The following ZNF804B variants were observed in gnomAD, a reference collection of about 807,000 sequenced individuals.
ZNF804B encodes the protein zinc finger protein 804B.
A neutral mutation model predicts 101.4 loss-of-function variants in ZNF804B; 80 were observed. The ratio of observed to expected loss-of-function variants is 0.79; its 90% CI spans 0.66 to 0.95. The LOEUF (loss-of-function observed/expected upper bound fraction) is 0.95, where lower values mean the gene tolerates loss of function less well. Ranked by LOEUF, ZNF804B falls within the 40% of genes least tolerant of loss-of-function variation. ZNF804B has a pLI of 0.00. For synonymous variants in ZNF804B, 622 were observed against 558.8 expected (o/e 1.11, Z -1.59); for missense variants, 1,673 against 1,561.9 (o/e 1.07, Z -1.20).
intron 1 of ZNF804B, among the ~76,000 whole-genome samples, chr7:88,824,732 CA>C (rs11337030): frequency 0.5 from 75,517 of 151,928 alleles, 20,584 homozygotes; most frequent in East Asian, 0.81. Flanking sequence ...TCCTTGATTT[CA>C]AACATTGCAT....
intron 1 of ZNF804B, among the ~76,000 whole-genome samples, chr7:89,016,109 G>A (rs970331310): frequency 1.3e-5 from 2 of 152,040 alleles, no homozygotes; most frequent in African/African-American, 4.8e-5. Context: ...ATTTTTTCAT[G>A]TGTTTTTTGG....
chr7:88,844,017 C>T (rs565537494), intron 1 of ZNF804B, among the ~76,000 whole-genome samples: 2 of 151,956 alleles, frequency 1.3e-5, no homozygotes, highest in Non-Finnish European at 2.9e-5. Flanking sequence ...ACATGGAAAA[C>T]ATATAGATCC....
At chr7:89,036,452 C>G (rs1163896223) in intron 1 of ZNF804B, among the ~76,000 whole-genome samples, 1 of 151,820 alleles carries the variant, frequency 6.6e-6, no homozygotes, top group Admixed American at 6.6e-5. Flanking sequence ...GAGGGGATTC[C>G]TTCTTCCTGC....
chr7:88,776,576 T>G (rs1790144955), intron 1 of ZNF804B, among the ~76,000 whole-genome samples: 2 of 150,186 alleles, frequency 1.3e-5, no homozygotes, highest in Admixed American at 6.6e-5. Context: ...TTTTTTTTTT[T>G]TTTTTCAGAG....
intron 1 of ZNF804B, among the ~76,000 whole-genome samples, chr7:89,056,361 A>C (rs1789295694): frequency 6.6e-6 from 1 of 152,112 alleles, no homozygotes; most frequent in Non-Finnish European, 1.5e-5. Flanking sequence ...CATTAAACAT[A>C]GAGAAAAGTA....
chr7:89,183,195 G>T (rs1431972611), intron 1 of ZNF804B, among the ~76,000 whole-genome samples: 1 of 151,954 alleles, frequency 6.6e-6, no homozygotes, highest in Non-Finnish European at 1.5e-5. Flanking sequence ...AAAAAAAATG[G>T]GTATTAATAG....
chr7:89,144,163 T>C (rs926640308), intron 1 of ZNF804B, among the ~76,000 whole-genome samples: 9 of 152,022 alleles, frequency 5.9e-5, no homozygotes, highest in Middle Eastern at 3.2e-3. Context: ...AACAAAACAA[T>C]TTCAATTTGA....
intron 1 of ZNF804B, among the ~76,000 whole-genome samples, chr7:89,197,833 G>A (rs1788578369): frequency 6.6e-6 from 1 of 151,704 alleles, no homozygotes; most frequent in South Asian, 2.1e-4. Flanking sequence ...TGACATTTTT[G>A]TACACTTTAG....
intron 1 of ZNF804B, among the ~76,000 whole-genome samples, chr7:89,207,877 C>G (rs1213772867): frequency 6.6e-6 from 1 of 152,070 alleles, no homozygotes; most frequent in African/African-American, 2.4e-5. Context: ...TTGCTTCAAG[C>G]GTTTTCCCGA....
At chr7:88,881,714 A>C (rs2115908695) in intron 1 of ZNF804B, among the ~76,000 whole-genome samples, 1 of 152,272 alleles carries the variant, frequency 6.6e-6, no homozygotes, top group East Asian at 1.9e-4. Context: ...TTTTTCTAAA[A>C]ACGTCATAAT....
chr7:89,222,004 A>G (rs1420413618), intron 2 of ZNF804B, among the ~76,000 whole-genome samples: 1 of 151,950 alleles, frequency 6.6e-6, no homozygotes, highest in Non-Finnish European at 1.5e-5. Flanking sequence ...TTTTATACGT[A>G]GGACACTTAA....
chr7:88,898,373 A>G (rs1316301645), intron 1 of ZNF804B, among the ~76,000 whole-genome samples: 6 of 152,044 alleles, frequency 3.9e-5, no homozygotes, highest in Admixed American at 3.9e-4. Flanking sequence ...GGCGTGAGCC[A>G]CAGCGCCCGG....
chr7:88,846,069 T>G (rs1791368871), intron 1 of ZNF804B, among the ~76,000 whole-genome samples: 1 of 152,212 alleles, frequency 6.6e-6, no homozygotes, highest in Non-Finnish European at 1.5e-5. Context: ...GTCAAAGATA[T>G]GCTGACACTG....
At chr7:89,024,341 C>G (rs1788713262) in intron 1 of ZNF804B, among the ~76,000 whole-genome samples, 1 of 152,096 alleles carries the variant, frequency 6.6e-6, no homozygotes, top group Non-Finnish European at 1.5e-5. Context: ...GGGGCTTTAG[C>G]TTCTCCCTAC....
At chr7:88,770,178 T>C (rs1309042737) in intron 1 of ZNF804B, among the ~76,000 whole-genome samples, 1 of 152,126 alleles carries the variant, frequency 6.6e-6, no homozygotes, top group East Asian at 1.9e-4. Context: ...TCCCCAAAGA[T>C]GTTTATATTT....
intron 1 of ZNF804B, among the ~76,000 whole-genome samples, chr7:89,123,666 G>A (rs900812625): frequency 1.3e-4 from 20 of 151,294 alleles, no homozygotes; most frequent in African/African-American, 4.6e-4. Flanking sequence ...TAATTTTCCA[G>A]CACTAAATGC....
At chr7:89,019,490 T>C (rs1788628121) in intron 1 of ZNF804B, among the ~76,000 whole-genome samples, 1 of 152,080 alleles carries the variant, frequency 6.6e-6, no homozygotes, top group African/African-American at 2.4e-5. Flanking sequence ...ATCTATTAAG[T>C]CCATCTGGTC....
In ZNF804B at chr7:89,335,833, T is replaced by A. The variant is rs1696702025; in HGVS notation, c.2851T>A (p.Cys951Ser). ...SSNVEISSNS[C>S]KSELEAPSQV... ...TAATGTTGAGATCTCTTCAAACAGT[T>A]GTAAAAGTGAATTAGAGGCTCCTTC... is the stretch of plus-strand genomic sequence containing the variant. Residue 951 changes from cysteine to serine, a missense_variant, in exon 4 of 4, where the codon TGT (cysteine) becomes AGT (serine). Physicochemically the swap from Cys to Ser is moderately radical, Grantham distance 112. Transcript: ENST00000333190. 3.7e-6 allele frequency: 6 copies of A among 1,614,048 alleles called. No individual in the cohort carries two copies. The highest frequency in any genetic ancestry group is 4.2e-6 in the Non-Finnish European group (5 of 1,179,972).
chr7:89,238,024 G>A (rs117879033), intron 2 of ZNF804B, among the ~76,000 whole-genome samples: 96 of 152,216 alleles, frequency 6.3e-4, no homozygotes, highest in Non-Finnish European at 1.2e-3. Flanking sequence ...CTGCAGATGG[G>A]AAGAATCAAG....
Sources: gnomAD v4.1 joint callset for allele counts (sites outside exome capture counted in the v4.1 genomes callset) on GRCh38, gnomAD v4.1.1 for gene constraint, MANE v1.5 for transcripts, NCBI Gene and HGNC (gene_info 2026-07-23, HGNC 2026-07-21) for gene names.